The following SSBP2 variants were observed in gnomAD, a reference collection of about 807,000 sequenced individuals.
SSBP2 encodes single-stranded DNA-binding protein 2.
In SSBP2, 17 loss-of-function variants were observed where a neutral mutation model predicts 61.8. That is an observed-to-expected ratio of 0.28 (90% CI 0.19 to 0.41). The LOEUF (loss-of-function observed/expected upper bound fraction) is 0.41. SSBP2 is among the 10% of genes least tolerant of loss of function. The pLI is 1.00. For synonymous variants in SSBP2, 139 were observed against 141.3 expected, an observed-to-expected ratio of 0.98 and a Z score of 0.12; for missense variants, 310 against 458.7, an observed-to-expected ratio of 0.68 and a Z score of 2.96.
At chr5:81,672,314 T>C (rs1751634257) in intron 1 of SSBP2, among the ~76,000 whole-genome samples, 1 of 152,144 alleles carries the variant, frequency 6.6e-6, no homozygotes, top group Admixed American at 6.5e-5. Flanking sequence ...CTATGAAAAC[T>C]GTTGGAACAC....
intron 4 of SSBP2, among the ~76,000 whole-genome samples, chr5:81,549,708 C>T (rs1380007095): frequency 6.6e-6 from 1 of 152,142 alleles, no homozygotes; most frequent in Non-Finnish European, 1.5e-5. Context: ...TTTTACTGAT[C>T]ATTTTTAAGC....
chr5:81,703,550 A>G (rs1754147094), intron 1 of SSBP2, among the ~76,000 whole-genome samples: 1 of 152,106 alleles, frequency 6.6e-6, no homozygotes, highest in Admixed American at 6.5e-5. Flanking sequence ...CCTAAAACTT[A>G]AAGTATAATA....
intron 15 of SSBP2, among the ~76,000 whole-genome samples, chr5:81,436,561 T>C (rs1328318580): frequency 1.3e-5 from 2 of 152,110 alleles, no homozygotes; most frequent in East Asian, 3.9e-4. Flanking sequence ...ATCAATCTTA[T>C]TTTATTTTTC....
intron 3 of SSBP2, among the ~76,000 whole-genome samples, chr5:81,633,582 G>A (rs1331066911): frequency 6.6e-6 from 1 of 151,698 alleles, no homozygotes; most frequent in African/African-American, 2.4e-5. Flanking sequence ...TGTTTCTCAG[G>A]CTGGATTCAA....
chr5:81,627,755 G>T (rs1446498594), intron 3 of SSBP2, among the ~76,000 whole-genome samples: 1 of 152,080 alleles, frequency 6.6e-6, no homozygotes, highest in East Asian at 1.9e-4. Flanking sequence ...TTTTTATTTT[G>T]TTAAATAAAA....
rs531920098 is a variant in SSBP2, at chr5:81,516,133, T to C, written c.283-2416A>G. 1.4e-4 allele frequency among the ~76,000 whole-genome samples: 21 copies of C among 151,982 alleles called. No homozygotes were observed. In the East Asian group the frequency reaches 3.3e-3, roughly 24 times the overall value. ...GAATTCCCAGTAAAATAGGCAAGGA[T>C]TGTAATTTTAAATAGGATAGTCAAG... On this transcript the variant is annotated intron_variant, in intron 4 of 16. Coordinates refer to ENST00000320672, the MANE Select transcript of SSBP2 (RefSeq NM_012446.5).
chr5:81,423,845 A>G (rs1243195941), intron 16 of SSBP2, among the ~76,000 whole-genome samples: 1 of 152,196 alleles, frequency 6.6e-6, no homozygotes, highest in Admixed American at 6.5e-5. Flanking sequence ...CGTTGTTAAG[A>G]GTATGTATAT....
chr5:81,739,164 CAAAAAAAAAAAAA>C (rs71000859), intron 1 of SSBP2, among the ~76,000 whole-genome samples: 2,841 of 51,318 alleles, frequency 0.055, 149 homozygotes, highest in African/African-American at 0.19. Context: ...ACTCCATCTC[CAAAAAAAAAAAAA>C]AAAAAAAAAA....
chr5:81,427,628 G>T (rs756721313), intron 16 of SSBP2, among the ~76,000 whole-genome samples: 10 of 152,176 alleles, frequency 6.6e-5, no homozygotes, highest in Non-Finnish European at 1.0e-4. Context: ...CAAAATGAGG[G>T]TAGTCTCTCT....
chr5:81,612,171 T>C (rs901086933), intron 4 of SSBP2, among the ~76,000 whole-genome samples: 56 of 152,144 alleles, frequency 3.7e-4, no homozygotes, highest in African/African-American at 1.3e-3. Flanking sequence ...CATACCTCAG[T>C]AACGTGGTTA....
At chr5:81,741,924 C>T (rs947058374) in intron 1 of SSBP2, among the ~76,000 whole-genome samples, 1 of 152,186 alleles carries the variant, frequency 6.6e-6, no homozygotes, top group Non-Finnish European at 1.5e-5. Flanking sequence ...CAAATCCACA[C>T]TTAAACCTTA....
intron 4 of SSBP2, among the ~76,000 whole-genome samples, chr5:81,539,558 GA>G (rs1054166563): frequency 6.6e-6 from 1 of 152,158 alleles, no homozygotes; most frequent in African/African-American, 2.4e-5. Context: ...AATCATTTGT[GA>G]AAGGAAAAGT....
chr5:81,740,966 T>C (rs1413069294), intron 1 of SSBP2, among the ~76,000 whole-genome samples: 1 of 152,176 alleles, frequency 6.6e-6, no homozygotes, highest in Non-Finnish European at 1.5e-5. Flanking sequence ...AATATGCACA[T>C]TCCCCTCCCA....
At chr5:81,599,978 G>A (rs1357443733) in intron 4 of SSBP2, among the ~76,000 whole-genome samples, 1 of 140,294 alleles carries the variant, frequency 7.1e-6, no homozygotes, top group African/African-American at 3.3e-5. Context: ...CCTTATTAGA[G>A]TCTTCTTAAA....
At chr5:81,483,567 A>G (rs1766156048) in intron 6 of SSBP2, among the ~76,000 whole-genome samples, 1 of 152,040 alleles carries the variant, frequency 6.6e-6, no homozygotes, top group Non-Finnish European at 1.5e-5. Context: ...GAAAACCAAA[A>G]CCCAGAAAGT....
rs1366781508 is a variant in SSBP2 at position 81,634,247 on chromosome 5, C to T, written c.197+2310G>A. Among the ~76,000 whole-genome samples the T allele has an allele frequency of 2.1e-4, 32 of 152,230 alleles. 1 individual carries two copies. The highest frequency in any genetic ancestry group is 2.1e-3 in the Admixed American group (32 of 15,288). On this transcript the variant is annotated intron_variant, in intron 3 of 16. Coordinates refer to ENST00000320672, the MANE Select transcript of SSBP2 (RefSeq NM_012446.5). ...AAATTTGCTTTCCATAATTGCTTATCTTAATCCAGACAGTTCTTTTCCATT... is the reference window on the plus strand; with the variant it reads ...AAATTTGCTTTCCATAATTGCTTATTTTAATCCAGACAGTTCTTTTCCATT...
intron 4 of SSBP2, among the ~76,000 whole-genome samples, chr5:81,577,564 C>T (rs776546125): frequency 4.0e-4 from 60 of 151,796 alleles, no homozygotes; most frequent in Non-Finnish European, 1.9e-4. Context: ...AAGTAAAATG[C>T]CAACTAAGAA....
chr5:81,697,947 C>T (rs995717151), intron 1 of SSBP2, among the ~76,000 whole-genome samples: 7 of 152,144 alleles, frequency 4.6e-5, no homozygotes, highest in Admixed American at 1.3e-4. Context: ...TCTAAAATCT[C>T]ATCTACATAT....
intron 2 of SSBP2, among the ~76,000 whole-genome samples, chr5:81,641,994 C>A (rs1363478061): frequency 6.6e-6 from 1 of 151,886 alleles, no homozygotes; most frequent in Non-Finnish European, 1.5e-5. Flanking sequence ...AAAATCACAT[C>A]AAGCCTACAA....
Sources: allele counts gnomAD v4.1 joint callset (sites outside exome capture counted in the v4.1 genomes callset), GRCh38; gene constraint gnomAD v4.1.1; transcripts MANE v1.5; gene names NCBI Gene and HGNC (gene_info 2026-07-23, HGNC 2026-07-21).